The following APAF1 variants were observed in gnomAD, a reference collection of about 807,000 sequenced individuals.
The protein encoded by APAF1 is apoptotic peptidase activating factor 1.
APAF1 carries 91 observed loss-of-function variants against 152.4 expected under a neutral mutation model. That is an observed-to-expected ratio of 0.60 (90% CI 0.50 to 0.71). The LOEUF is 0.71. APAF1 is among the 30% of genes least tolerant of loss of function. APAF1 has a pLI of 0.00. For missense variants in APAF1, 1,283 were observed against 1,472.0 expected (o/e 0.87, Z 2.10); for synonymous variants, 484 against 494.1 (o/e 0.98, Z 0.27).
intron 4 of APAF1, among the ~76,000 whole-genome samples, chr12:98,651,008 T>G (rs535367118): frequency 3.3e-5 from 5 of 152,364 alleles, no homozygotes; most frequent in African/African-American, 1.2e-4. Flanking sequence ...TAAAATTGAC[T>G]AACAATCTAT....
intron 5 of APAF1, among the ~76,000 whole-genome samples, chr12:98,661,906 A>G (rs1348809268): frequency 6.6e-6 from 1 of 152,140 alleles, no homozygotes; most frequent in Non-Finnish European, 1.5e-5. Context: ...GGGAACTGGC[A>G]TAGAGGTTCT....
Position 98,734,902 on chromosome 12 carries a change from G to A in APAF1, c.*2336G>A, listed in dbSNP as rs1474049288. ...ATTAAAAGCCACTGACTGTTATAAA[G>A]TATAACAACACACATCAGGTTTTAA... On this transcript the variant is annotated 3_prime_UTR_variant, in exon 27 of 27. Coordinates refer to ENST00000551964, the MANE Select transcript of APAF1 (RefSeq NM_181861.2). 2 of 320,652 alleles carry A rather than the reference G, an allele frequency of 6.2e-6. No homozygotes were observed. Among genetic ancestry groups the A allele is most frequent in the Non-Finnish European group, 1.1e-5 (2 of 178,440 alleles). 19.9% of individuals were successfully genotyped at this position (320,652 alleles called of 1,614,324 possible). A position where few individuals can be genotyped will look rare whatever the true frequency, so the allele number is the denominator to read the frequency against.
chr12:98,691,238 T>G (rs539299934), intron 16 of APAF1, among the ~76,000 whole-genome samples: 14 of 152,172 alleles, frequency 9.2e-5, no homozygotes, highest in African/African-American at 3.1e-4. Flanking sequence ...TACTTGTACC[T>G]ACTGTTCCTC....
In APAF1 at chr12:98,649,540, A is replaced by T. The variant is rs769311146; in HGVS notation, c.382A>T (p.Thr128Ser). The T allele has an allele frequency of 6.2e-7, 1 of 1,614,214 alleles. No individual in the cohort carries two copies. The highest frequency in any genetic ancestry group is 8.5e-7 in the Non-Finnish European group (1 of 1,180,040). The stretch of plus-strand genomic sequence containing the variant: ...ACCACAGAGGCCAGTTGTTTTTGTC[A>T]CAAGGAAGAAGCTGGTGAATGCAAT... Reference protein sequence around the residue: ...GVPQRPVVFVTRKKLVNAIQQ... With the variant: ...GVPQRPVVFVSRKKLVNAIQQ... Residue 128 changes from threonine (T) to serine (S), a missense_variant, in exon 4 of 27, where the codon ACA becomes TCA. Thr to Ser is a moderately conservative substitution (Grantham distance 58, BLOSUM62 1). Coordinates refer to ENST00000551964, the MANE Select transcript of APAF1 (RefSeq NM_181861.2).
chr12:98,703,892 C>T lies in APAF1; in HGVS notation c.2595+393C>T, dbSNP rs115826246. The stretch of plus-strand genomic sequence containing the variant: ...TAAAAAAGGTGGTGAGAAATGAGTC[C>T]AGTTCAGATTTCTTAGATCATTGAG... On this transcript the variant is annotated intron_variant, in intron 18 of 26. Transcript: ENST00000551964. 7.3e-3 allele frequency among the ~76,000 whole-genome samples: 1,113 copies of T among 152,192 alleles called. 11 individuals carry two copies. The highest frequency in any genetic ancestry group is 0.025 in the African/African-American group (1,046 of 41,522).
Position 98,727,217 on chromosome 12 carries a change from G to A in APAF1, c.3501G>A (p.Pro1167=), listed in dbSNP as rs368589663. Residue 1167 remains proline (P), a synonymous_variant, in exon 26 of 27, where the codon CCG becomes CCA. Coordinates refer to ENST00000551964, the MANE Select transcript of APAF1 (RefSeq NM_181861.2). ...SNGELLHLCA[P]LSEEGAATHG... ...GTGAGCTTCTTCATTTGTGTGCTCC[G>A]CTTTCAGAAGAAGGAGCTGCTACCC... is the stretch of plus-strand genomic sequence containing the variant. 11 of 1,614,062 alleles carry A rather than the reference G, an allele frequency of 6.8e-6. 1 individual carries two copies. The highest frequency in any genetic ancestry group is 2.2e-5 in the South Asian group (2 of 91,084).
intron 7 of APAF1, among the ~76,000 whole-genome samples, chr12:98,664,808 T>C (rs2097670044): frequency 6.6e-6 from 1 of 152,158 alleles, no homozygotes; most frequent in Admixed American, 6.5e-5. Flanking sequence ...GTGCTAGGAC[T>C]ACAGACACAT....
rs2097767556 is a variant in APAF1, at chr12:98,735,112, C to T, written c.*2546C>T. 2.5e-6 allele frequency: 1 copy of T among 398,380 alleles called. No individual in the cohort carries two copies. The highest frequency in any genetic ancestry group is 2.1e-5 in the African/African-American group (1 of 48,614). 24.7% of individuals were successfully genotyped at this position (398,380 alleles called of 1,614,324 possible). A position where few individuals can be genotyped will look rare whatever the true frequency, so the allele number is the denominator to read the frequency against. On this transcript the variant is annotated 3_prime_UTR_variant, in exon 27 of 27. Coordinates refer to ENST00000551964, the MANE Select transcript of APAF1 (RefSeq NM_181861.2). ...AAAAATGGGAAGAAAGACAAGGTAA[C>T]ATGAAGAAAGAAGAGATACCTAGTA...
chr12:98,659,476 G>T (rs1443016737), intron 5 of APAF1, 133 bp downstream of exon 5: 5 of 989,074 alleles, frequency 5.1e-6, no homozygotes, highest in Middle Eastern at 4.1e-4. Context: ...TTGCGGCCAG[G>T]TGCAGTGGCT....
chr12:98,655,787 CTTT>C (rs1349274791), intron 4 of APAF1, among the ~76,000 whole-genome samples: 7 of 137,256 alleles, frequency 5.1e-5, no homozygotes, highest in African/African-American at 8.0e-5. Flanking sequence ...CAAAATTTTT[CTTT>C]TTTTTTTTTT....
In APAF1 at chr12:98,670,987, A is replaced by G. The variant is rs767712620; in HGVS notation, c.1509A>G (p.Leu503=). 1.2e-6 allele frequency: 2 copies of G among 1,612,488 alleles called. No homozygotes were observed. Among genetic ancestry groups the G allele is most frequent in the South Asian group, 2.2e-5 (2 of 91,042 alleles). Reference sequence around the variant, plus strand: ...GTTTTTTAAAGGAACTTTGTGCTTTAATGTTTTCCCTGGATTGGATTAAAG... The same window carrying G: ...GTTTTTTAAAGGAACTTTGTGCTTTGATGTTTTCCCTGGATTGGATTAAAG... ...SAKMHKELCA[L]MFSLDWIKAK... is the part of the protein sequence containing the mutation. The change falls in exon 11 of 27, where the codon TTA becomes TTG. Residue 503 remains leucine, a synonymous_variant. Transcript: ENST00000551964.
chr12:98,691,068 G>C (rs986423195), intron 16 of APAF1, among the ~76,000 whole-genome samples: 1 of 152,104 alleles, frequency 6.6e-6, no homozygotes, highest in African/African-American at 2.4e-5. Flanking sequence ...TTAGCTGGGC[G>C]TGGTGGCGCA....
intron 22 of APAF1, among the ~76,000 whole-genome samples, chr12:98,719,373 GAC>G (rs2097739048): frequency 6.6e-6 from 1 of 151,602 alleles, no homozygotes; most frequent in Non-Finnish European, 1.5e-5. Flanking sequence ...TTTTTTTTGA[GAC>G]AGTCTTGCTC....
chr12:98,683,248 A>G lies in APAF1; in HGVS notation c.2152A>G (p.Thr718Ala). 1 of 1,613,954 alleles carries G rather than the reference A, an allele frequency of 6.2e-7. No individual in the cohort carries two copies. ...TNSSHHLLLA[T>A]GSSDCFLKLW... ...CAGTAGTCATCATCTTCTCTTAGCC[A>G]CTGGGTCAAGTGACTGCTTCCTCAA... Residue 718 changes from threonine (T) to alanine (A), a missense_variant, in exon 15 of 27, where the codon ACT becomes GCT. Thr to Ala is a moderately conservative substitution (Grantham distance 58, BLOSUM62 0). Coordinates refer to ENST00000551964, the MANE Select transcript of APAF1 (RefSeq NM_181861.2).
rs533334479 is a variant in APAF1 at position 98,712,306 on chromosome 12, C to A, written c.2842-13C>A. 1.3e-6 allele frequency: 2 copies of A among 1,534,118 alleles called. No individual in the cohort carries two copies. The highest frequency in any genetic ancestry group is 1.8e-6 in the Non-Finnish European group (2 of 1,107,684). On this transcript the variant is annotated splice_polypyrimidine_tract_variant and intron_variant, in intron 20 of 26. Transcript: ENST00000551964. Reference sequence around the variant, plus strand: ...TACAGCCTAATAACTGATTTTGCCTCATTTTTCATTAGCTCATTAATGGAA... The same window carrying A: ...TACAGCCTAATAACTGATTTTGCCTAATTTTTCATTAGCTCATTAATGGAA...
At chr12:98,684,803 G>T (rs914340684) in intron 15 of APAF1, among the ~76,000 whole-genome samples, 1 of 152,120 alleles carries the variant, frequency 6.6e-6, no homozygotes, top group Non-Finnish European at 1.5e-5. Context: ...CATTTTGTAG[G>T]TTGAGGAAAT....
At position 98,683,115 on chromosome 12, in the gene APAF1, T is replaced by A. The variant is rs752231166; in HGVS notation, c.2047-28T>A. The A allele has an allele frequency of 2.5e-6, 4 of 1,588,620 alleles. No homozygotes were observed. The South Asian group carries it at 4.4e-5, about 18-fold the overall frequency. ...TTCTCCCTTTGAAAATAATGGATAT[T>A]TGTAAATTTTTTCTCTTTTCTCTTT... On this transcript the variant is annotated intron_variant, in intron 14 of 26. Coordinates refer to ENST00000551964, the MANE Select transcript of APAF1 (RefSeq NM_181861.2).
chr12:98,695,234 G>A (rs2097708489), intron 16 of APAF1, among the ~76,000 whole-genome samples: 2 of 151,858 alleles, frequency 1.3e-5, no homozygotes, highest in Non-Finnish European at 2.9e-5. Context: ...TGTGTTTTTA[G>A]TAGAGACGGG....
At chr12:98,732,108 G>T (rs1375693639) in intron 26 of APAF1, among the ~76,000 whole-genome samples, 1 of 152,170 alleles carries the variant, frequency 6.6e-6, no homozygotes, top group South Asian at 2.1e-4. Flanking sequence ...AGACAAGAGA[G>T]TTGAGTCTGG....
Sources: allele counts gnomAD v4.1 joint callset (sites outside exome capture counted in the v4.1 genomes callset), GRCh38; gene constraint gnomAD v4.1.1; transcripts MANE v1.5; gene names NCBI Gene and HGNC (gene_info 2026-07-23, HGNC 2026-07-21).